The following DNM3 variants were observed in gnomAD, a reference collection of about 807,000 sequenced individuals.
The protein encoded by DNM3 is dynamin-3.
A neutral mutation model predicts 101.6 loss-of-function variants in DNM3; 47 were observed. The ratio of observed to expected loss-of-function variants is 0.46; its 90% CI spans 0.37 to 0.59. The LOEUF (loss-of-function observed/expected upper bound fraction) is 0.59, where lower values mean the gene tolerates loss of function less well. DNM3 is among the 20% of genes least tolerant of loss of function. DNM3 has a pLI of 0.00. For missense variants in DNM3, 849 were observed against 1,085.7 expected, an observed-to-expected ratio of 0.78 and a Z score of 3.06; for synonymous variants, 385 against 387.9, an observed-to-expected ratio of 0.99 and a Z score of 0.09.
chr1:172,219,019 T>C (rs2060806390), intron 14 of DNM3, among the ~76,000 whole-genome samples: 1 of 151,694 alleles, frequency 6.6e-6, no homozygotes, highest in South Asian at 2.1e-4. Flanking sequence ...TTGCCTTGAG[T>C]TTATGTAATG....
At chr1:172,077,550 C>G (rs1039850360) in intron 11 of DNM3, among the ~76,000 whole-genome samples, 1 of 152,202 alleles carries the variant, frequency 6.6e-6, no homozygotes, top group Non-Finnish European at 1.5e-5. Context: ...TTATTTATTT[C>G]TGCCTTAATT....
At chr1:172,072,348 C>G (rs1007493871) in intron 11 of DNM3, among the ~76,000 whole-genome samples, 1 of 152,094 alleles carries the variant, frequency 6.6e-6, no homozygotes, top group Non-Finnish European at 1.5e-5. Flanking sequence ...ATGTTATTGA[C>G]CTAATAGCCC....
intron 4 of DNM3, among the ~76,000 whole-genome samples, chr1:172,003,162 G>A (rs1217529761): frequency 6.6e-6 from 1 of 151,832 alleles, no homozygotes; most frequent in African/African-American, 2.4e-5. Context: ...ATATATGGAT[G>A]TTGCATTGCT....
chr1:171,875,813 C>CTTTTT (rs60523795), intron 1 of DNM3, among the ~76,000 whole-genome samples: 13 of 104,670 alleles, frequency 1.2e-4, no homozygotes, highest in East Asian at 3.4e-4. Context: ...AGTTGTCTCT[C>CTTTTT]TTTTTTTTTT....
At chr1:172,309,616 A>C (rs572361806) in intron 16 of DNM3, 8 of 152,172 alleles carry the variant, frequency 5.3e-5, no homozygotes, top group Non-Finnish European at 1.2e-4. Flanking sequence ...ACTGAGACTA[A>C]GCCTTGGGGA....
intron 13 of DNM3, among the ~76,000 whole-genome samples, chr1:172,111,928 TC>T (rs1056864101): frequency 1.5e-4 from 23 of 152,168 alleles, no homozygotes; most frequent in African/African-American, 5.1e-4. Flanking sequence ...GGTGATGATG[TC>T]CATATTGCAT....
At chr1:172,366,281 A>G (rs544730783) in intron 17 of DNM3, among the ~76,000 whole-genome samples, 2 of 152,034 alleles carry the variant, frequency 1.3e-5, no homozygotes, top group South Asian at 4.1e-4. Flanking sequence ...TGCTTTTGAA[A>G]AACAAAACAA....
At position 171,943,339 on chromosome 1, in the gene DNM3, T is replaced by C. The variant is rs190153901; in HGVS notation, c.235+21518T>C. On this transcript the variant is annotated intron_variant, in intron 2 of 20. Transcript: ENST00000627582. ...TTCCAAAGTTAACCTGAGAAACTAG[T>C]TCAGGACATGATGGGGAGGGGTAGG... Among the ~76,000 whole-genome samples, 479 of 152,218 alleles carry C rather than the reference T, an allele frequency of 3.1e-3. 4 individuals are homozygous for C. Among genetic ancestry groups the C allele is most frequent in the Non-Finnish European group, 5.6e-3 (384 of 68,006 alleles).
chr1:172,076,883 A>T (rs1241607282), intron 11 of DNM3, among the ~76,000 whole-genome samples: 1 of 152,184 alleles, frequency 6.6e-6, no homozygotes, highest in African/African-American at 2.4e-5. Flanking sequence ...TAGTTTCAGA[A>T]GGAATAGTAC....
At chr1:172,038,694 T>C (rs2049143504) in intron 7 of DNM3, among the ~76,000 whole-genome samples, 1 of 152,166 alleles carries the variant, frequency 6.6e-6, no homozygotes. Context: ...TTAAATTGTG[T>C]TTTTAAAACT....
At chr1:172,417,095 T>TA (rs1042442342), downstream of DNM3, among the ~76,000 whole-genome samples, 9 of 152,088 alleles carry the variant, frequency 5.9e-5, no homozygotes, top group Non-Finnish European at 1.2e-4. Context: ...GTTTTTTTTT[T>TA]ATAGACTTCA....
At chr1:172,234,874 C>T (rs958962037) in intron 14 of DNM3, among the ~76,000 whole-genome samples, 49 of 150,800 alleles carry the variant, frequency 3.2e-4, no homozygotes, top group Admixed American at 1.7e-3. Flanking sequence ...GACTTAAATG[C>T]TAGACCTAAA....
chr1:172,073,151 T>C (rs2052341338), intron 11 of DNM3, among the ~76,000 whole-genome samples: 1 of 151,984 alleles, frequency 6.6e-6, no homozygotes, highest in Non-Finnish European at 1.5e-5. Flanking sequence ...TATATAGATA[T>C]ACACACACAT....
chr1:172,405,151 C>A (rs1377960038), intron 20 of DNM3, among the ~76,000 whole-genome samples: 2 of 152,066 alleles, frequency 1.3e-5, no homozygotes, highest in Non-Finnish European at 2.9e-5. Flanking sequence ...TCTAGCCTGG[C>A]TAAATATCTT....
chr1:171,993,589 C>T (rs1194177499), intron 4 of DNM3, among the ~76,000 whole-genome samples: 1 of 148,786 alleles, frequency 6.7e-6, no homozygotes. Flanking sequence ...GTTTGTTGAC[C>T]TTCTTGGATG....
intron 15 of DNM3, among the ~76,000 whole-genome samples, chr1:172,273,793 A>T (rs2063172911): frequency 6.6e-6 from 1 of 152,062 alleles, no homozygotes; most frequent in African/African-American, 2.4e-5. Context: ...AATGGTTTTG[A>T]TCTGGAGAAA....
intron 1 of DNM3, among the ~76,000 whole-genome samples, chr1:171,857,369 G>A (rs971844873): frequency 1.1e-4 from 17 of 152,250 alleles, no homozygotes; most frequent in Non-Finnish European, 2.2e-4. Context: ...CAAATGGTGA[G>A]TGACAGAAAG....
At position 172,408,056 on chromosome 1, in the gene DNM3, A is replaced by G; in HGVS notation, c.*215A>G. 1 of 1,402,460 alleles carries G rather than the reference A, an allele frequency of 7.1e-7. No individual in the cohort carries two copies. Among genetic ancestry groups the G allele is most frequent in the South Asian group, 1.6e-5 (1 of 63,146 alleles). 86.9% of individuals were successfully genotyped at this position (1,402,460 alleles called of 1,614,324 possible). A position where few individuals can be genotyped will look rare whatever the true frequency, so the allele number is the denominator to read the frequency against. ...ACTGCTAACCTTTTAGAGGCTTTATATGTTGTACTGACCAAGGTAGGTTTG... is the reference window on the plus strand; with the variant it reads ...ACTGCTAACCTTTTAGAGGCTTTATGTGTTGTACTGACCAAGGTAGGTTTG... On this transcript the variant is annotated 3_prime_UTR_variant, in exon 21 of 21. Coordinates refer to ENST00000627582, the MANE Select transcript of DNM3 (RefSeq NM_015569.5).
chr1:172,391,438 G>T (rs1178858026), intron 20 of DNM3, among the ~76,000 whole-genome samples: 1 of 152,062 alleles, frequency 6.6e-6, no homozygotes, highest in Admixed American at 6.5e-5. Context: ...ACCACATAAA[G>T]TCTGTTTTTA....
Sources: gnomAD v4.1 joint callset for allele counts (sites outside exome capture counted in the v4.1 genomes callset) on GRCh38, gnomAD v4.1.1 for gene constraint, MANE v1.5 for transcripts, NCBI Gene and HGNC (gene_info 2026-07-23, HGNC 2026-07-21) for gene names.